The following ALKAL1 variants were observed in gnomAD, a reference collection of about 807,000 sequenced individuals.
The protein encoded by ALKAL1 is ALK and LTK ligand 1.
In ALKAL1, 23 loss-of-function variants were observed where a neutral mutation model predicts 13.5. The ratio of observed to expected loss-of-function variants is 1.70; its 90% CI spans 1.23 to 2.41. ALKAL1 has a LOEUF of 2.41. Among genes scored for constraint, ALKAL1 ranks in the 30% most tolerant of loss-of-function variants. The pLI, the probability that ALKAL1 is intolerant of heterozygous loss-of-function variation, is 0.00. For missense variants in ALKAL1, 181 were observed against 178.4 expected (o/e 1.01, Z -0.08); for synonymous variants, 85 against 77.7 (o/e 1.09, Z -0.49).
intron 1 of ALKAL1, among the ~76,000 whole-genome samples, chr8:52,559,272 G>C (rs7834013): frequency 0.18 from 27,791 of 152,076 alleles, 3,006 homozygotes; most frequent in African/African-American, 0.29. Context: ...TCCCAAAGCT[G>C]GTAGACCAAG....
Position 52,539,837 on chromosome 8 carries a change from G to C in ALKAL1, c.319C>G (p.Pro107Ala). 11 of 1,609,124 alleles carry C rather than the reference G, an allele frequency of 6.8e-6. No homozygotes were observed. The highest frequency in any genetic ancestry group is 9.3e-6 in the Non-Finnish European group (11 of 1,177,434). Residue 107 changes from proline to alanine, a missense_variant, in exon 3 of 5, where the codon CCA becomes GCA. Pro to Ala is a conservative substitution (Grantham distance 27). Transcript: ENST00000358543. The stretch of plus-strand genomic sequence containing the variant: ...ACCCACCCAAGTTACTTACAAGCTG[G>C]CGTTGAGCACTCCCTGGTATTGTAA... ...LYYNTRECST[P>A]AYYKRCARLL...
intron 1 of ALKAL1, among the ~76,000 whole-genome samples, chr8:52,562,628 T>G (rs1847562052): frequency 6.6e-6 from 1 of 152,126 alleles, no homozygotes; most frequent in Admixed American, 6.6e-5. Context: ...CCAGCTCACA[T>G]CTGCATTTAG....
chr8:52,560,747 C>G (rs1372437174), intron 1 of ALKAL1, among the ~76,000 whole-genome samples: 2 of 150,940 alleles, frequency 1.3e-5, no homozygotes, highest in East Asian at 4.2e-4. Context: ...ACTCATTCCT[C>G]TAAGTTAGCT....
chr8:52,556,960 T>G (rs1246515750), intron 1 of ALKAL1, among the ~76,000 whole-genome samples: 1 of 152,194 alleles, frequency 6.6e-6, no homozygotes, highest in Admixed American at 6.5e-5. Context: ...AGAGTATGAC[T>G]CCTACCCTGC....
intron 1 of ALKAL1, among the ~76,000 whole-genome samples, chr8:52,560,762 C>A (rs942506324): frequency 7.0e-6 from 1 of 143,820 alleles, no homozygotes; most frequent in African/African-American, 2.4e-5. Context: ...TTAGCTTTGG[C>A]ATCTCAGAAT....
In ALKAL1 at chr8:52,539,870, G is replaced by T; in HGVS notation, c.286C>A (p.Arg96=). Residue 96 remains arginine (R), a synonymous_variant, in exon 3 of 5, where the codon CGA becomes AGA. Coordinates refer to ENST00000358543, the MANE Select transcript of ALKAL1 (RefSeq NM_207413.4). ...CACTCCCTGGTATTGTAATAGAGTC[G>T]GTGGAAATGTTTGCTGCATTCTGGT... The part of the protein sequence containing the change: ...FSPECSKHFH[R]LYYNTRECST... 6.2e-7 allele frequency: 1 copy of T among 1,613,318 alleles called. No individual in the cohort carries two copies. The highest frequency in any genetic ancestry group is 1.1e-5 in the South Asian group (1 of 91,018).
rs373727564 is a variant in ALKAL1 at position 52,546,466 on chromosome 8, A to G, written c.191-4021T>C. ...CTTACTCCAAAGCCTCCTATCAACT[A>G]TTAGTTCTCATACTTTAGCCCAGTT... is the stretch of plus-strand genomic sequence containing the variant. On this transcript the variant is annotated intron_variant, in intron 1 of 4. Transcript: ENST00000358543. 5.8e-4 allele frequency among the ~76,000 whole-genome samples: 89 copies of G among 152,306 alleles called. 1 individual carries two copies. Among genetic ancestry groups the G allele is most frequent in the African/African-American group, 2.0e-3 (84 of 41,578 alleles).
At chr8:52,539,147 G>A (rs909613416) in intron 3 of ALKAL1, among the ~76,000 whole-genome samples, 1 of 152,110 alleles carries the variant, frequency 6.6e-6, no homozygotes, top group Non-Finnish European at 1.5e-5. Context: ...TTAACATGCT[G>A]AGTAAAAGTC....
chr8:52,539,986 T>C, intron 2 of ALKAL1, 75 bp from the exon 3 acceptor site: 1 of 1,282,874 alleles, frequency 7.8e-7, no homozygotes, highest in East Asian at 2.3e-5. Flanking sequence ...ACTTTATGGG[T>C]GGATATAATA....
chr8:52,557,216 G>A (rs1847493710), intron 1 of ALKAL1, among the ~76,000 whole-genome samples: 1 of 152,220 alleles, frequency 6.6e-6, no homozygotes, highest in South Asian at 2.1e-4. Flanking sequence ...ATGCCCGGGT[G>A]GTGCTTGGAG....
Position 52,565,268 on chromosome 8 carries a change from G to A in ALKAL1, c.-12C>T, listed in dbSNP as rs954997554. The A allele has an allele frequency of 3.8e-6, 5 of 1,306,798 alleles. No individual in the cohort carries two copies. The highest frequency in any genetic ancestry group is 4.9e-6 in the Non-Finnish European group (5 of 1,020,964). 81.0% of individuals were successfully genotyped at this position (1,306,798 alleles called of 1,614,324 possible). The stretch of plus-strand genomic sequence containing the variant: ...TTAAGGGGCCGCATGTTCGCAAGCC[G>A]GGAGGAGAGAGCGGGAGACTCCGGG... On this transcript the variant is annotated 5_prime_UTR_variant, in exon 1 of 5. Coordinates refer to ENST00000358543, the MANE Select transcript of ALKAL1 (RefSeq NM_207413.4).
In ALKAL1 at chr8:52,540,597, G is replaced by A. The variant is rs114923221; in HGVS notation, c.245-686C>T. The stretch of plus-strand genomic sequence containing the variant: ...AAATGAAAAATGAGCCAGGCATGGC[G>A]GCACACGCCTGTAGTCCCACCTCAG... On this transcript the variant is annotated intron_variant, in intron 2 of 4. Coordinates refer to ENST00000358543, the MANE Select transcript of ALKAL1 (RefSeq NM_207413.4). Among the ~76,000 whole-genome samples the A allele has an allele frequency of 5.6e-3, 850 of 152,172 alleles. 8 individuals carry two copies. Among genetic ancestry groups the A allele is most frequent in the African/African-American group, 0.02 (811 of 41,512 alleles).
In ALKAL1 at chr8:52,538,469, C is replaced by T; in HGVS notation, c.364G>A (p.Val122Met). Reference sequence around the variant, plus strand: ...TAGGTCTGGGAGCACAGTGGACTCACTGCTAATCTTGTTAACAATCTAGCA... The same window carrying T: ...TAGGTCTGGGAGCACAGTGGACTCATTGCTAATCTTGTTAACAATCTAGCA... ...RCARLLTRLA[V>M]SPLCSQT is the part of the protein sequence containing the mutation. The change falls in exon 4 of 5, where the codon GTG (valine) becomes ATG (methionine). Residue 122 changes from valine (V) to methionine (M), a missense_variant. By Grantham distance (21) the Val-to-Met change is conservative. Coordinates refer to ENST00000358543, the MANE Select transcript of ALKAL1 (RefSeq NM_207413.4). The T allele has an allele frequency of 1.2e-6, 2 of 1,611,266 alleles. No individual in the cohort carries two copies. The highest frequency in any genetic ancestry group is 1.7e-6 in the Non-Finnish European group (2 of 1,177,884).
At chr8:52,560,502 C>T (rs964676154) in intron 1 of ALKAL1, among the ~76,000 whole-genome samples, 1 of 152,116 alleles carries the variant, frequency 6.6e-6, no homozygotes, top group African/African-American at 2.4e-5. Flanking sequence ...AGCAATAAAA[C>T]TGAAGGCCAA....
intron 1 of ALKAL1, among the ~76,000 whole-genome samples, chr8:52,550,833 T>C (rs1424031016): frequency 6.6e-6 from 1 of 152,100 alleles, no homozygotes; most frequent in African/African-American, 2.4e-5. Context: ...ACATCAGTTA[T>C]ACTGAAAAAG....
chr8:52,547,636 A>T (rs1004110420), intron 1 of ALKAL1, among the ~76,000 whole-genome samples: 2 of 152,220 alleles, frequency 1.3e-5, no homozygotes, highest in Non-Finnish European at 2.9e-5. Flanking sequence ...GGAGCCACAC[A>T]TGTAATTCTA....
chr8:52,538,993 T>C (rs1388297300), intron 3 of ALKAL1, among the ~76,000 whole-genome samples: 1 of 152,134 alleles, frequency 6.6e-6, no homozygotes, highest in Non-Finnish European at 1.5e-5. Context: ...GGTTTCACCA[T>C]GTTGCCAAGG....
At chr8:52,534,901 T>C (rs1436836225) in intron 4 of ALKAL1, among the ~76,000 whole-genome samples, 3 of 152,228 alleles carry the variant, frequency 2.0e-5, no homozygotes, top group Admixed American at 1.3e-4. Flanking sequence ...TATTAATCTG[T>C]AGTATTGATT....
intron 1 of ALKAL1, among the ~76,000 whole-genome samples, chr8:52,561,513 A>C (rs938417443): frequency 6.6e-6 from 1 of 152,186 alleles, no homozygotes; most frequent in Non-Finnish European, 1.5e-5. Flanking sequence ...GGGGGTACCA[A>C]GCCTGGGACT....
Sources: gnomAD v4.1 joint callset for allele counts (sites outside exome capture counted in the v4.1 genomes callset) on GRCh38, gnomAD v4.1.1 for gene constraint, MANE v1.5 for transcripts, NCBI Gene and HGNC (gene_info 2026-07-23, HGNC 2026-07-21) for gene names.